The following RELL1 variants were observed in gnomAD, a reference collection of about 807,000 sequenced individuals.
RELL1 encodes the protein RELT-like protein 1.
Under a neutral mutation model 23.0 loss-of-function variants are expected in RELL1, and 10 were observed. The ratio of observed to expected loss-of-function variants is 0.43; its 90% CI spans 0.27 to 0.74. The LOEUF (loss-of-function observed/expected upper bound fraction) is 0.74. Among genes scored for constraint, RELL1 ranks in the 30% least tolerant of loss-of-function variants. The probability of loss-of-function intolerance (pLI) is 0.19; values close to 1 mark genes in which losing one functional copy is unlikely to be tolerated. For missense variants in RELL1, 315 were observed against 364.4 expected (o/e 0.86, Z 1.10); for synonymous variants, 146 against 146.8 (o/e 0.99, Z 0.04).
chr4:37,590,605 C>G (rs746986023), downstream of RELL1: 4 of 1,614,156 alleles, frequency 2.5e-6, no homozygotes, highest in Non-Finnish European at 3.4e-6. Context: ...CTTCCAGATA[C>G]CAGCCCCAGA....
At chr4:37,666,056 T>G (rs1721520201) in intron 1 of RELL1, among the ~76,000 whole-genome samples, 1 of 152,166 alleles carries the variant, frequency 6.6e-6, no homozygotes, top group South Asian at 2.1e-4. Context: ...GTTTATGATT[T>G]CCAGATCCAG....
At chr4:37,640,524 T>G (rs914305372) in intron 3 of RELL1, among the ~76,000 whole-genome samples, 1 of 152,220 alleles carries the variant, frequency 6.6e-6, no homozygotes, top group East Asian at 1.9e-4. Flanking sequence ...TCAGTATCCA[T>G]GCGGGGATGT....
At chr4:37,589,035 G>T, downstream of RELL1, 1 of 624,292 alleles carries the variant, frequency 1.6e-6, no homozygotes. Flanking sequence ...TTAAGAGTTT[G>T]GAATTGTTAT....
chr4:37,670,718 G>A (rs555303526), intron 1 of RELL1, among the ~76,000 whole-genome samples: 4 of 151,544 alleles, frequency 2.6e-5, no homozygotes, highest in East Asian at 1.9e-4. Flanking sequence ...CTACAGGCAC[G>A]TGCCACCATG....
rs778508544 is a variant in RELL1 at position 37,635,139 on chromosome 4, A to AAAC, written c.444-19_444-17dup. 1 of 1,595,066 alleles carries AAAC rather than the reference A, an allele frequency of 6.3e-7. No individual in the cohort carries two copies. The highest frequency in any genetic ancestry group is 2.2e-5 in the East Asian group (1 of 44,820). ...GGTCACGGGGCTAATGTGGGGAGGAAAACAAAAAGAGCAACTGGTTAAAGG... is the reference window on the plus strand; with the variant it reads ...GGTCACGGGGCTAATGTGGGGAGGAAAACAACAAAAAGAGCAACTGGTTAAAGG... On this transcript the variant is annotated splice_polypyrimidine_tract_variant and intron_variant, in intron 4 of 6. Coordinates refer to ENST00000454158, the MANE Select transcript of RELL1 (RefSeq NM_001085400.2).
chr4:37,620,108 C>T (rs909001600), intron 6 of RELL1, among the ~76,000 whole-genome samples: 6 of 152,072 alleles, frequency 3.9e-5, no homozygotes, highest in African/African-American at 1.4e-4. Flanking sequence ...GTATGTGGGT[C>T]AATTCAGGAA....
At chr4:37,614,804 C>T (rs184816022) in intron 6 of RELL1, among the ~76,000 whole-genome samples, 4 of 152,206 alleles carry the variant, frequency 2.6e-5, no homozygotes, top group African/African-American at 9.6e-5. Context: ...TAGAACTAGA[C>T]ATTTTTGCAT....
At chr4:37,639,239 C>T (rs1252110150) in intron 3 of RELL1, among the ~76,000 whole-genome samples, 2 of 151,986 alleles carry the variant, frequency 1.3e-5, no homozygotes, top group Admixed American at 1.3e-4. Context: ...AAAAAATTAG[C>T]TGGGCGTGGT....
At chr4:37,640,147 G>A (rs1043557875) in intron 3 of RELL1, among the ~76,000 whole-genome samples, 13 of 152,046 alleles carry the variant, frequency 8.6e-5, no homozygotes, top group Non-Finnish European at 2.9e-5. Flanking sequence ...AGAACATATG[G>A]GTTTTTGCTT....
intron 3 of RELL1, among the ~76,000 whole-genome samples, chr4:37,642,574 T>A (rs1720565595): frequency 6.6e-6 from 1 of 152,222 alleles, no homozygotes; most frequent in South Asian, 2.1e-4. Flanking sequence ...GTCACAGAGT[T>A]CCTAAAGGCC....
downstream of RELL1, among the ~76,000 whole-genome samples, chr4:37,587,156 C>A (rs2109457513): frequency 6.6e-6 from 1 of 152,258 alleles, no homozygotes; most frequent in Middle Eastern, 3.4e-3. Context: ...TTTTTGGTCA[C>A]ATTGCCTCTT....
chr4:37,621,222 C>A (rs539610172), intron 6 of RELL1, among the ~76,000 whole-genome samples: 1 of 152,016 alleles, frequency 6.6e-6, no homozygotes, highest in South Asian at 2.1e-4. Flanking sequence ...TTTCGGAGGC[C>A]GAGGCAGGCA....
Position 37,617,280 on chromosome 4 carries a change from T to C in RELL1, c.*4-3938A>G, listed in dbSNP as rs75174971. Among the ~76,000 whole-genome samples, 985 of 152,324 alleles carry C rather than the reference T, an allele frequency of 6.5e-3. 15 individuals carry two copies. Among genetic ancestry groups the C allele is most frequent in the South Asian group, 0.021 (103 of 4,824 alleles). ...CTATAAGGTGCTTCATTGATTCTAA[T>C]GCACGTATGAAGGTTTAAGCTTTTA... On this transcript the variant is annotated intron_variant, in intron 6 of 6. Coordinates refer to ENST00000454158, the MANE Select transcript of RELL1 (RefSeq NM_001085400.2).
chr4:37,640,311 G>A (rs1003137462), intron 3 of RELL1, among the ~76,000 whole-genome samples: 2 of 152,028 alleles, frequency 1.3e-5, no homozygotes, highest in Non-Finnish European at 2.9e-5. Flanking sequence ...TATGAAAACG[G>A]ATCCATAGTA....
intron 6 of RELL1, among the ~76,000 whole-genome samples, chr4:37,624,994 A>T (rs1486268355): frequency 1.3e-5 from 2 of 152,218 alleles, no homozygotes; most frequent in Non-Finnish European, 2.9e-5. Context: ...TATGAACTAC[A>T]CATATATCGT....
intron 6 of RELL1, among the ~76,000 whole-genome samples, chr4:37,604,902 C>CAG (rs1719141950): frequency 2.2e-5 from 1 of 45,840 alleles, no homozygotes; most frequent in African/African-American, 6.6e-5. Flanking sequence ...CACACACAGA[C>CAG]ACACACACAC....
At chr4:37,666,369 G>A (rs556207272) in intron 1 of RELL1, among the ~76,000 whole-genome samples, 7 of 152,268 alleles carry the variant, frequency 4.6e-5, no homozygotes, top group African/African-American at 1.7e-4. Flanking sequence ...TGGCTGCACT[G>A]TGTTCAATTT....
intron 1 of RELL1, 100 bp from the exon 2 acceptor site, chr4:37,649,600 C>T (rs1293083986): frequency 1.1e-5 from 12 of 1,064,684 alleles, no homozygotes; most frequent in Middle Eastern, 3.1e-4. Flanking sequence ...GGTCTGCTCC[C>T]GAAACCACAG....
intron 1 of RELL1, among the ~76,000 whole-genome samples, chr4:37,681,590 A>G (rs1722227483): frequency 7.7e-6 from 1 of 130,234 alleles, no homozygotes; most frequent in South Asian, 2.4e-4. Flanking sequence ...GTGCAGTGGC[A>G]CGATCTCAGC....
Sources: allele counts gnomAD v4.1 joint callset (sites outside exome capture counted in the v4.1 genomes callset), GRCh38; gene constraint gnomAD v4.1.1; transcripts MANE v1.5; gene names NCBI Gene and HGNC (gene_info 2026-07-23, HGNC 2026-07-21).